The following MGAT5 variants were observed in gnomAD, a reference collection of about 807,000 sequenced individuals.
MGAT5 encodes the protein alpha-1,6-mannosylglycoprotein 6-beta-N-acetylglucosaminyltransferase, also known as alpha-1,6-mannosylglycoprotein 6-beta-N-acetylglucosaminyltransferase A.
In MGAT5, 30 loss-of-function variants were observed where a neutral mutation model predicts 94.3. The ratio of observed to expected loss-of-function variants is 0.32; its 90% CI spans 0.24 to 0.43. The LOEUF (loss-of-function observed/expected upper bound fraction) is 0.43, where lower values mean the gene tolerates loss of function less well. Ranked by LOEUF, MGAT5 falls within the 20% of genes least tolerant of loss-of-function variation. The pLI is 1.00. For synonymous variants in MGAT5, 310 were observed against 322.9 expected (o/e 0.96, Z 0.43); for missense variants, 691 against 905.5 (o/e 0.76, Z 3.04).
intron 7 of MGAT5, among the ~76,000 whole-genome samples, chr2:134,343,044 A>T (rs1178186625): frequency 6.6e-6 from 1 of 152,156 alleles, no homozygotes; most frequent in Non-Finnish European, 1.5e-5. Context: ...ATGAGTACTC[A>T]CATAACTATT....
intron 9 of MGAT5, among the ~76,000 whole-genome samples, chr2:134,361,116 G>A (rs552550437): frequency 6.6e-6 from 1 of 152,234 alleles, no homozygotes; most frequent in African/African-American, 2.4e-5. Flanking sequence ...TGTCTGAAAG[G>A]ATTTCTACGC....
chr2:134,412,463 A>G (rs1046080049), intron 11 of MGAT5, among the ~76,000 whole-genome samples: 1 of 151,990 alleles, frequency 6.6e-6, no homozygotes, highest in African/African-American at 2.4e-5. Flanking sequence ...TGGTTCAATG[A>G]AGAAACCTTC....
intron 1 of MGAT5, among the ~76,000 whole-genome samples, chr2:134,205,789 G>A (rs1017092002): frequency 6.6e-6 from 1 of 152,174 alleles, no homozygotes; most frequent in Non-Finnish European, 1.5e-5. Flanking sequence ...ACAGAGCCCA[G>A]GGGTGTCCCA....
intron 1 of MGAT5, among the ~76,000 whole-genome samples, chr2:134,264,026 T>TTG (rs1558742916): frequency 7.8e-6 from 1 of 128,938 alleles, no homozygotes; most frequent in Non-Finnish European, 1.6e-5. Flanking sequence ...GGTTTTTTTT[T>TTG]TTTTTTTTTT....
intron 1 of MGAT5, among the ~76,000 whole-genome samples, chr2:134,205,439 T>A (rs1180909766): frequency 6.6e-6 from 1 of 151,994 alleles, no homozygotes; most frequent in Non-Finnish European, 1.5e-5. Flanking sequence ...TACTGATGGA[T>A]TAAATATGAG....
intron 1 of MGAT5, among the ~76,000 whole-genome samples, chr2:134,129,344 G>A (rs908623133): frequency 1.3e-5 from 2 of 152,148 alleles, no homozygotes; most frequent in Non-Finnish European, 2.9e-5. Flanking sequence ...GATTAGATTA[G>A]ACCAAGCAGG....
At chr2:134,337,597 A>G (rs926818275) in intron 5 of MGAT5, among the ~76,000 whole-genome samples, 17 of 152,296 alleles carry the variant, frequency 1.1e-4, no homozygotes, top group Non-Finnish European at 1.8e-4. Flanking sequence ...ATGTTTCTCT[A>G]TTATTCCAAT....
intron 14 of MGAT5, among the ~76,000 whole-genome samples, chr2:134,434,441 G>A (rs562016124): frequency 6.6e-6 from 1 of 152,206 alleles, no homozygotes; most frequent in Non-Finnish European, 1.5e-5. Flanking sequence ...GTTAGGGAAG[G>A]ATGCAGATGT....
At chr2:134,251,511 G>A (rs755480344), upstream of MGAT5, among the ~76,000 whole-genome samples, 9 of 152,220 alleles carry the variant, frequency 5.9e-5, no homozygotes, top group Non-Finnish European at 1.2e-4. Flanking sequence ...GAAGGTGTGT[G>A]TGTGGGGAGG....
chr2:134,341,105 G>A (rs1688600938), intron 6 of MGAT5, among the ~76,000 whole-genome samples: 1 of 152,162 alleles, frequency 6.6e-6, no homozygotes, highest in Non-Finnish European at 1.5e-5. Context: ...ATAATCTAGA[G>A]GGGTTGGGAG....
At chr2:134,320,727 A>G (rs1384248088) in intron 4 of MGAT5, among the ~76,000 whole-genome samples, 2 of 152,158 alleles carry the variant, frequency 1.3e-5, no homozygotes, top group African/African-American at 4.8e-5. Context: ...TTCTTGCCAT[A>G]GTTTTCCTTT....
At chr2:134,152,501 A>G (rs1048721772) in intron 1 of MGAT5, among the ~76,000 whole-genome samples, 3 of 152,236 alleles carry the variant, frequency 2.0e-5, no homozygotes, top group African/African-American at 7.2e-5. Flanking sequence ...GGACCCACTC[A>G]CTGCCATGGG....
At chr2:134,443,184 T>TG (rs1558891562) in intron 15 of MGAT5, among the ~76,000 whole-genome samples, 3 of 150,412 alleles carry the variant, frequency 2.0e-5, no homozygotes, top group African/African-American at 4.9e-5. Flanking sequence ...TATGTTTTTT[T>TG]TTGTTGTTGT....
chr2:134,432,417 C>T (rs889343789), intron 14 of MGAT5, among the ~76,000 whole-genome samples: 5 of 152,056 alleles, frequency 3.3e-5, no homozygotes, highest in African/African-American at 1.2e-4. Flanking sequence ...TCATCAGAGC[C>T]CAGAATAAGC....
intron 2 of MGAT5, among the ~76,000 whole-genome samples, chr2:134,297,048 T>C (rs568903936): frequency 1.1e-4 from 17 of 151,776 alleles, no homozygotes; most frequent in African/African-American, 3.9e-4. Context: ...AAAAATAAAA[T>C]TAGCTGGGTG....
chr2:134,243,166 A>C (rs1451908845), intron 1 of MGAT5, among the ~76,000 whole-genome samples: 1 of 152,106 alleles, frequency 6.6e-6, no homozygotes, highest in Non-Finnish European at 1.5e-5. Context: ...TGTGTATTAA[A>C]ATCATCTAAG....
intron 1 of MGAT5, among the ~76,000 whole-genome samples, chr2:134,235,375 A>T (rs1286421578): frequency 6.6e-6 from 1 of 152,034 alleles, no homozygotes; most frequent in Non-Finnish European, 1.5e-5. Flanking sequence ...TTGAATTATG[A>T]TCTTGGGGAG....
At position 134,216,840 on chromosome 2, in the gene MGAT5, A is replaced by C. The variant is rs7575632; in HGVS notation, c.-142-37422A>C. Among the ~76,000 whole-genome samples the C allele has an allele frequency of 1.2e-3, 184 of 152,270 alleles. 1 individual carries two copies. The highest frequency in any genetic ancestry group is 3.9e-3 in the African/African-American group (164 of 41,538). On this transcript the variant is annotated intron_variant, in intron 1 of 16. Transcript: ENST00000409645. ...CTGAGCGGGCTGGGGAGATGTGACT[A>C]TTGCTGTGCTTGAGAGTTAAGAGCC...
chr2:134,175,391 C>T lies in MGAT5; in HGVS notation c.-143+55100C>T, dbSNP rs117652330. Among the ~76,000 whole-genome samples the T allele has an allele frequency of 2.6e-4, 39 of 152,228 alleles. No homozygotes were observed. The East Asian group carries it at 6.4e-3, about 25-fold the overall frequency. ...TGTTAAAATTACTGTTATTTTGTCC[C>T]TGGAAGTTCTGAAATGTGTGGTTGG... is the stretch of plus-strand genomic sequence containing the variant. On this transcript the variant is annotated intron_variant, in intron 1 of 16. Coordinates refer to the MGAT5 transcript ENST00000409645.
Sources: gnomAD v4.1 joint callset for allele counts (sites outside exome capture counted in the v4.1 genomes callset) on GRCh38, gnomAD v4.1.1 for gene constraint, MANE v1.5 for transcripts, NCBI Gene and HGNC (gene_info 2026-07-23, HGNC 2026-07-21) for gene names.